The following SEMA3A variants were observed in gnomAD, a reference collection of about 807,000 sequenced individuals.
SEMA3A encodes the protein semaphorin-3A.
In SEMA3A, 29 loss-of-function variants were observed where a neutral mutation model predicts 97.9. That is an observed-to-expected ratio of 0.30 (90% CI 0.22 to 0.40). The LOEUF is 0.40. Ranked by LOEUF, SEMA3A falls within the 10% of genes least tolerant of loss-of-function variation. SEMA3A has a pLI of 1.00. For synonymous variants in SEMA3A, 321 were observed against 323.7 expected, an observed-to-expected ratio of 0.99 and a Z score of 0.09; for missense variants, 763 against 951.3, an observed-to-expected ratio of 0.80 and a Z score of 2.60.
chr7:84,233,772 C>A (rs752777233), intron 3 of SEMA3A, among the ~76,000 whole-genome samples: 11 of 151,870 alleles, frequency 7.2e-5, no homozygotes, highest in Non-Finnish European at 1.6e-4. Context: ...ACTTTGAAAG[C>A]AACACCTTTA....
At chr7:84,056,670 T>C (rs1011336675) in intron 5 of SEMA3A, among the ~76,000 whole-genome samples, 2 of 152,090 alleles carry the variant, frequency 1.3e-5, no homozygotes, top group Non-Finnish European at 2.9e-5. Context: ...AATCCATGGA[T>C]GTAAGAAAAA....
At chr7:84,001,115 ATTC>A (rs1790428723) in intron 12 of SEMA3A, among the ~76,000 whole-genome samples, 1 of 150,048 alleles carries the variant, frequency 6.7e-6, no homozygotes, top group African/African-American at 2.5e-5. Context: ...TGTTTGCTCT[ATTC>A]TTTTATCAAA....
chr7:84,021,455 C>T (rs931478003), intron 6 of SEMA3A, among the ~76,000 whole-genome samples: 7 of 152,104 alleles, frequency 4.6e-5, no homozygotes, highest in African/African-American at 7.2e-5. Flanking sequence ...TGCAACTATC[C>T]GCATGTAGGC....
At chr7:84,443,783 A>T (rs2715032) in intron 1 of SEMA3A, among the ~76,000 whole-genome samples, 21,516 of 151,700 alleles carry the variant, frequency 0.14, 3,127 homozygotes, top group African/African-American at 0.36. Context: ...TTCCTTGAGC[A>T]TTGCAAAAAA....
chr7:84,200,798 C>CTT (rs33924638), intron 3 of SEMA3A, among the ~76,000 whole-genome samples: 3 of 141,706 alleles, frequency 2.1e-5, no homozygotes, highest in African/African-American at 7.8e-5. Context: ...GTTTTTTTTC[C>CTT]TTTTTTTTTT....
intron 1 of SEMA3A, among the ~76,000 whole-genome samples, chr7:84,427,927 G>A (rs964879185): frequency 2.0e-5 from 3 of 151,994 alleles, no homozygotes; most frequent in Non-Finnish European, 4.4e-5. Flanking sequence ...CATTGATATA[G>A]TAGGTCTATA....
chr7:84,445,878 TA>T lies in SEMA3A; in HGVS notation c.-246+46581del, dbSNP rs796169081. 3.1e-4 allele frequency among the ~76,000 whole-genome samples: 46 copies of T among 147,098 alleles called. 1 individual carries two copies. The South Asian group carries it at 8.2e-3, about 26-fold the overall frequency. On this transcript the variant is annotated intron_variant, in intron 1 of 3. Transcript: ENST00000424555. The stretch of plus-strand genomic sequence containing the variant: ...GAAGAGGAAAACAAAATAGAAAAGA[TA>T]AAAAAAAAGAATGAAGAAAAGCAAT...
chr7:84,133,588 TCTA>T lies in SEMA3A; in HGVS notation c.270+1203_270+1205del, dbSNP rs752546429. On this transcript the variant is annotated intron_variant, in intron 2 of 16. Transcript: ENST00000265362. ...ACAGGGATGTATTCCAAAATGAAAT[TCTA>T]CTATTACCTTTATGAAAGCTACTGC... 4.6e-5 allele frequency among the ~76,000 whole-genome samples: 7 copies of T among 152,056 alleles called. No individual in the cohort carries two copies. The South Asian group carries it at 6.2e-4, about 13-fold the overall frequency.
chr7:84,138,128 TAAGTAG>T (rs944765297), intron 1 of SEMA3A, among the ~76,000 whole-genome samples: 1 of 152,188 alleles, frequency 6.6e-6, no homozygotes, highest in Admixed American at 6.5e-5. Flanking sequence ...CCTGTTTGTA[TAAGTAG>T]AAGTTAAATA....
intron 3 of SEMA3A, among the ~76,000 whole-genome samples, chr7:84,258,100 T>C (rs578048950): frequency 6.6e-6 from 1 of 152,282 alleles, no homozygotes; most frequent in South Asian, 2.1e-4. Context: ...CCCTTTCTTC[T>C]AGCAACACTG....
chr7:84,174,780 G>A (rs933335675), intron 1 of SEMA3A, among the ~76,000 whole-genome samples: 4 of 152,124 alleles, frequency 2.6e-5, no homozygotes, highest in Non-Finnish European at 5.9e-5. Context: ...ATCTTTATAT[G>A]TAGTCAATAC....
intron 1 of SEMA3A, among the ~76,000 whole-genome samples, chr7:84,417,516 C>A (rs1804467989): frequency 6.6e-6 from 1 of 152,154 alleles, no homozygotes; most frequent in South Asian, 2.1e-4. Flanking sequence ...ACATCAATGA[C>A]AAACTTATTC....
At chr7:84,176,433 A>G (rs957567045) in intron 1 of SEMA3A, among the ~76,000 whole-genome samples, 1 of 152,174 alleles carries the variant, frequency 6.6e-6, no homozygotes, top group Non-Finnish European at 1.5e-5. Flanking sequence ...AGTTGGATGT[A>G]AAACCTATCA....
chr7:84,014,251 G>C lies in SEMA3A; in HGVS notation c.768C>G (p.His256Gln). Residue 256 changes from histidine to glutamine, a missense_variant, in exon 7 of 17, where the codon CAC (histidine) becomes CAG (glutamine). His to Gln is a conservative substitution (Grantham distance 24). Transcript: ENST00000265362. ...TTCTAGCGTGAGTAGCTTTTCCAGA[G>C]TGTTCTCCATCTATTGCATTTTCAC... The part of the protein sequence containing the change: ...FFRENAIDGE[H>Q]SGKATHARIG... 6.2e-7 allele frequency: 1 copy of C among 1,613,424 alleles called. No individual in the cohort carries two copies. The highest frequency in any genetic ancestry group is 8.5e-7 in the Non-Finnish European group (1 of 1,179,724).
intron 2 of SEMA3A, among the ~76,000 whole-genome samples, chr7:84,351,709 A>G (rs1446444406): frequency 1.3e-5 from 2 of 152,088 alleles, no homozygotes; most frequent in African/African-American, 4.8e-5. Context: ...TCTGAAAAGC[A>G]GATAATAAAA....
intron 1 of SEMA3A, among the ~76,000 whole-genome samples, chr7:84,484,626 T>A (rs1806529684): frequency 6.6e-6 from 1 of 152,042 alleles, no homozygotes; most frequent in Non-Finnish European, 1.5e-5. Flanking sequence ...TACCTTAACA[T>A]AGGATGTAAA....
intron 1 of SEMA3A, among the ~76,000 whole-genome samples, chr7:84,448,029 G>A (rs746882593): frequency 3.3e-5 from 5 of 152,186 alleles, no homozygotes; most frequent in East Asian, 1.9e-4. Context: ...TGGTGTGCCC[G>A]GTGTGCCTGG....
intron 3 of SEMA3A, among the ~76,000 whole-genome samples, chr7:84,120,513 T>A (rs1206103213): frequency 6.6e-6 from 1 of 152,160 alleles, no homozygotes; most frequent in Non-Finnish European, 1.5e-5. Flanking sequence ...AATTATTCAG[T>A]TCAGTGTACC....
chr7:84,410,307 G>C (rs1460772961), intron 1 of SEMA3A, among the ~76,000 whole-genome samples: 1 of 151,960 alleles, frequency 6.6e-6, no homozygotes. Context: ...AGAATTGAGT[G>C]CAGTTTTTCA....
Sources: gnomAD v4.1 joint callset for allele counts (sites outside exome capture counted in the v4.1 genomes callset) on GRCh38, gnomAD v4.1.1 for gene constraint, MANE v1.5 for transcripts, NCBI Gene and HGNC (gene_info 2026-07-23, HGNC 2026-07-21) for gene names.